Variants in SVIL observed in about 807,000 individuals in gnomAD.
SVIL encodes the protein supervillin.
In SVIL, 101 loss-of-function variants were observed where a neutral mutation model predicts 240.4. The observed-to-expected ratio is 0.42, with a 90% CI of 0.36 to 0.50. The LOEUF is 0.50. SVIL is among the 20% of genes least tolerant of loss of function. The pLI is 0.01. For synonymous variants in SVIL, 999 were observed against 1,100.0 expected, an observed-to-expected ratio of 0.91 and a Z score of 1.82; for missense variants, 2,512 against 2,818.7, an observed-to-expected ratio of 0.89 and a Z score of 2.46.
At chr10:29,515,976 G>A (rs555929767) in intron 16 of SVIL, among the ~76,000 whole-genome samples, 2 of 152,266 alleles carry the variant, frequency 1.3e-5, no homozygotes, top group Non-Finnish European at 2.9e-5. Flanking sequence ...GACAAGGAAC[G>A]TGGGTACATC....
chr10:29,472,182 A>G (rs1008350480), intron 30 of SVIL, among the ~76,000 whole-genome samples: 6 of 152,238 alleles, frequency 3.9e-5, no homozygotes, highest in Admixed American at 6.5e-5. Flanking sequence ...TGCTCAAATG[A>G]GAGAGATTAA....
intron 1 of SVIL, among the ~76,000 whole-genome samples, chr10:29,722,068 T>C (rs780907773): frequency 2.6e-5 from 4 of 151,978 alleles, no homozygotes; most frequent in Non-Finnish European, 5.9e-5. Flanking sequence ...CAGAACCCTG[T>C]CTCTGCTAAA....
At chr10:29,504,457 AC>A (rs1040359450) in intron 17 of SVIL, among the ~76,000 whole-genome samples, 14 of 152,342 alleles carry the variant, frequency 9.2e-5, no homozygotes, top group Non-Finnish European at 2.1e-4. Context: ...AAGGACTACT[AC>A]CCCAAATATA....
chr10:29,543,418 C>G (rs1040398291), intron 6 of SVIL, among the ~76,000 whole-genome samples: 1 of 152,180 alleles, frequency 6.6e-6, no homozygotes, highest in Non-Finnish European at 1.5e-5. Flanking sequence ...TAATGTCCCC[C>G]AAGATTGGAC....
Position 29,458,325 on chromosome 10 carries a change from T to C in SVIL, c.6567A>G (p.Leu2189=). Residue 2189 remains leucine, a synonymous_variant, in exon 38 of 38, where the codon CTA becomes CTG. Transcript: ENST00000355867. Reference sequence around the variant, plus strand: ...CGTTGTATTCATCCCTCGTCATGTCTAGTGCAAACTGGAAACATTGGGAGA... The same window carrying C: ...CGTTGTATTCATCCCTCGTCATGTCCAGTGCAAACTGGAAACATTGGGAGA... ...YLTDEDFEFA[L]DMTRDEYNAL... 3 of 1,614,226 alleles carry C rather than the reference T, an allele frequency of 1.9e-6. No homozygotes were observed. Among genetic ancestry groups the C allele is most frequent in the African/African-American group, 1.3e-5 (1 of 75,064 alleles).
intron 1 of SVIL, among the ~76,000 whole-genome samples, chr10:29,724,897 CT>C (rs2132703505): frequency 6.6e-6 from 1 of 152,128 alleles, no homozygotes; most frequent in South Asian, 2.1e-4. Context: ...TGGCACATGC[CT>C]GTAATCCCAG....
intron 36 of SVIL, among the ~76,000 whole-genome samples, chr10:29,460,373 G>A (rs1944103414): frequency 6.6e-6 from 1 of 152,094 alleles, no homozygotes; most frequent in African/African-American, 2.4e-5. Context: ...TTCTCCGGCT[G>A]GAATCCCACA....
chr10:29,734,043 A>G (rs79389467), intron 1 of SVIL, among the ~76,000 whole-genome samples: 2,479 of 152,298 alleles, frequency 0.016, 62 homozygotes, highest in African/African-American at 0.056. Context: ...CAGCTTAAAC[A>G]AGGTGGGAAC....
chr10:29,560,183 A>G (rs1954326743), intron 3 of SVIL, among the ~76,000 whole-genome samples: 1 of 152,216 alleles, frequency 6.6e-6, no homozygotes, highest in Non-Finnish European at 1.5e-5. Context: ...GATGGCAGCC[A>G]CTAATATAAA....
chr10:29,709,040 C>T (rs1364920602), intron 1 of SVIL, among the ~76,000 whole-genome samples: 2 of 151,956 alleles, frequency 1.3e-5, no homozygotes, highest in Non-Finnish European at 2.9e-5. Flanking sequence ...ATTAAAAAGC[C>T]AGAGAAGGAA....
At chr10:29,710,665 T>C (rs1963214440) in intron 1 of SVIL, among the ~76,000 whole-genome samples, 1 of 152,144 alleles carries the variant, frequency 6.6e-6, no homozygotes, top group Admixed American at 6.5e-5. Context: ...CAGACCAGCA[T>C]GTGCCTTTTC....
intron 1 of SVIL, among the ~76,000 whole-genome samples, chr10:29,610,785 C>G (rs1461236154): frequency 6.6e-6 from 1 of 152,110 alleles, no homozygotes; most frequent in African/African-American, 2.4e-5. Context: ...AATCAAAAAT[C>G]CCACCCACCC....
chr10:29,718,194 C>A (rs1963747796), intron 1 of SVIL, among the ~76,000 whole-genome samples: 1 of 151,802 alleles, frequency 6.6e-6, no homozygotes, highest in African/African-American at 2.4e-5. Flanking sequence ...GGCGTGGTGG[C>A]ACATCGCTGT....
chr10:29,666,026 C>T (rs1397442255), intron 2 of SVIL, among the ~76,000 whole-genome samples: 1 of 152,166 alleles, frequency 6.6e-6, no homozygotes, highest in South Asian at 2.1e-4. Context: ...AGGGATCCTC[C>T]CTCCTTAGCG....
In SVIL at chr10:29,554,799, A is replaced by C. The variant is rs1564631716; in HGVS notation, c.144T>G (p.Pro48=). Residue 48 remains proline (P), a synonymous_variant, in exon 5 of 38, where the codon CCT becomes CCG. Coordinates refer to ENST00000355867, the MANE Select transcript of SVIL (RefSeq NM_021738.3). ...CACGCTCACCGATGTGGGGGCTGGCAGGGTCGCTGGCTCTCATGTATCGAG... is the reference window on the plus strand; with the variant it reads ...CACGCTCACCGATGTGGGGGCTGGCCGGGTCGCTGGCTCTCATGTATCGAG... ...DTPRYMRASD[P]ASPHIGRSNE... 1 of 1,604,132 alleles carries C rather than the reference A, an allele frequency of 6.2e-7. No homozygotes were observed. Among genetic ancestry groups the C allele is most frequent in the Admixed American group, 1.7e-5 (1 of 58,326 alleles).
At chr10:29,502,155 T>G (rs1383969206) in intron 17 of SVIL, among the ~76,000 whole-genome samples, 15 of 152,232 alleles carry the variant, frequency 9.9e-5, no homozygotes, top group Non-Finnish European at 1.5e-5. Context: ...AATAGTAATA[T>G]TAAACATAAA....
intron 21 of SVIL, among the ~76,000 whole-genome samples, chr10:29,491,623 TTCTCACAATTCTTTGGG>T (rs1025633843): frequency 1.4e-4 from 22 of 152,186 alleles, no homozygotes; most frequent in African/African-American, 5.1e-4. Flanking sequence ...CCACCCCACA[TTCTCACAATTCTTTGGG>T]GTGGAAAACC....
At chr10:29,498,103 A>AG (rs1948594727) in intron 18 of SVIL, among the ~76,000 whole-genome samples, 1 of 148,996 alleles carries the variant, frequency 6.7e-6, no homozygotes, top group Non-Finnish European at 1.5e-5. Flanking sequence ...AAAAAAAAAA[A>AG]AAAAAAAAAA....
At chr10:29,472,375 T>A (rs1288721658) in intron 30 of SVIL, among the ~76,000 whole-genome samples, 1 of 152,202 alleles carries the variant, frequency 6.6e-6, no homozygotes, top group Non-Finnish European at 1.5e-5. Flanking sequence ...ATGTGATTGG[T>A]TCTTGGAACT....
Sources: gnomAD v4.1 joint callset for allele counts (sites outside exome capture counted in the v4.1 genomes callset) on GRCh38, gnomAD v4.1.1 for gene constraint, MANE v1.5 for transcripts, NCBI Gene and HGNC (gene_info 2026-07-23, HGNC 2026-07-21) for gene names.